LRRIQ1: variants seen among roughly 807,000 people sequenced by gnomAD.
LRRIQ1 encodes leucine-rich repeat- and IQ domain-containing protein 1.
LRRIQ1 carries 210 observed loss-of-function variants against 211.9 expected under a neutral mutation model. That is an observed-to-expected ratio of 0.99 (90% confidence interval 0.89 to 1.11). LRRIQ1 has a LOEUF of 1.11. Among genes scored for constraint, LRRIQ1 ranks in the 50% most tolerant of loss-of-function variants. The probability of loss-of-function intolerance (pLI) is 0.00; values close to 1 mark genes in which losing one functional copy is unlikely to be tolerated. For missense variants in LRRIQ1, 2,136 were observed against 1,939.5 expected (o/e 1.10, Z -1.90); for synonymous variants, 699 against 650.1 (o/e 1.08, Z -1.14).
intron 3 of LRRIQ1, among the ~76,000 whole-genome samples, chr12:85,042,359 T>G (rs1878986192): frequency 6.7e-6 from 1 of 149,802 alleles, no homozygotes; most frequent in African/African-American, 2.4e-5. Context: ...ATTTAATTAT[T>G]TAAAATCGTT....
rs567200480 is a variant in LRRIQ1 at position 85,240,393 on chromosome 12, T to C, written c.5017-4396T>C. Among the ~76,000 whole-genome samples, 73 of 152,290 alleles carry C rather than the reference T, an allele frequency of 4.8e-4. No individual in the cohort carries two copies. The South Asian group carries it at 0.015, about 30-fold the overall frequency. ...ACAGCCACTCTGGAGAAAAAAACTT[T>C]ATAAGCTTTATAAGCTTGTAAAGAC... On this transcript the variant is annotated intron_variant, in intron 26 of 26. Transcript: ENST00000393217.
At position 85,040,490 on chromosome 12, in the gene LRRIQ1, G is replaced by C. The variant is rs780451540; in HGVS notation, c.133G>C (p.Asp45His). The C allele has an allele frequency of 6.6e-7, 1 of 1,519,892 alleles. No homozygotes were observed. Among genetic ancestry groups the C allele is most frequent in the East Asian group, 2.3e-5 (1 of 42,628 alleles). The allele number at this position is 1,519,892 out of a possible 1,614,324, so 94.2% of individuals were successfully genotyped here. Residue 45 changes from aspartate (D) to histidine (H), a missense_variant and splice_region_variant, in exon 3 of 27, where the codon GAT (aspartate) becomes CAT (histidine). Coordinates refer to ENST00000393217, the MANE Select transcript of LRRIQ1 (RefSeq NM_001079910.2). ...SETQSDDSDT[D>H]SVELPESVLH... ...TTTCTTGTATTATTCAAATTTTTAG[G>C]ATTCAGTTGAATTACCAGAATCAGT...
intron 11 of LRRIQ1, among the ~76,000 whole-genome samples, chr12:85,082,789 T>C (rs1223801657): frequency 1.3e-5 from 2 of 152,194 alleles, no homozygotes. Context: ...CCTTTTATTG[T>C]TTGGGTTTGG....
intron 26 of LRRIQ1, among the ~76,000 whole-genome samples, chr12:85,235,323 T>G (rs1314211748): frequency 6.6e-6 from 1 of 152,166 alleles, no homozygotes; most frequent in Non-Finnish European, 1.5e-5. Context: ...AATTCAGGTT[T>G]CCCAGGAAAC....
rs538365462 is a variant in LRRIQ1, at chr12:85,235,680, G to GA, written c.5016+2925dup. On this transcript the variant is annotated intron_variant, in intron 26 of 26. Transcript: ENST00000393217. Reference sequence around the variant, plus strand: ...TATCTCTGACTCAGTTGTTAAATATGATCTAGGTAGGGTATGATAATATCA... The same window carrying GA: ...TATCTCTGACTCAGTTGTTAAATATGAATCTAGGTAGGGTATGATAATATCA... Among the ~76,000 whole-genome samples the GA allele has an allele frequency of 2.5e-3, 379 of 152,252 alleles. 2 individuals carry two copies. The highest frequency in any genetic ancestry group is 8.6e-3 in the African/African-American group (357 of 41,568).
Position 85,124,111 on chromosome 12 carries a change from A to G in LRRIQ1, c.3599A>G (p.Tyr1200Cys), listed in dbSNP as rs780132652. The G allele has an allele frequency of 1.4e-5, 23 of 1,613,732 alleles. No homozygotes were observed. Among genetic ancestry groups the G allele is most frequent in the Admixed American group, 1.7e-5 (1 of 59,992 alleles). The change falls in exon 17 of 27, where the codon TAT becomes TGT. Residue 1200 changes from tyrosine to cysteine, a missense_variant. Tyr to Cys is a radical substitution (Grantham distance 194). Transcript: ENST00000393217. ...GATACTGCAGAAAATCTCTGTCATTATTTTAAGAAATTGATGATACTTAGT... is the reference window on the plus strand; with the variant it reads ...GATACTGCAGAAAATCTCTGTCATTGTTTTAAGAAATTGATGATACTTAGT... ...TLDTAENLCH[Y>C]FKKLMILSTE...
intron 11 of LRRIQ1, among the ~76,000 whole-genome samples, chr12:85,080,181 C>T (rs2136158119): frequency 6.6e-6 from 1 of 152,082 alleles, no homozygotes; most frequent in Non-Finnish European, 1.5e-5. Flanking sequence ...TGTATTCTAG[C>T]TTTCCTGGCT....
At chr12:85,262,179 T>C (rs927602314) in intron 1 of LRRIQ1, among the ~76,000 whole-genome samples, 5 of 152,156 alleles carry the variant, frequency 3.3e-5, no homozygotes, top group Non-Finnish European at 7.4e-5. Flanking sequence ...ACTAGGACTA[T>C]TGTTTTTAAC....
intron 24 of LRRIQ1, among the ~76,000 whole-genome samples, chr12:85,204,808 G>T (rs1893464322): frequency 1.3e-5 from 2 of 152,164 alleles, no homozygotes; most frequent in South Asian, 4.1e-4. Context: ...CCTTATCTCA[G>T]ATGAGACTTT....
chr12:85,152,719 A>G (rs953652309), intron 20 of LRRIQ1, among the ~76,000 whole-genome samples: 3 of 151,688 alleles, frequency 2.0e-5, no homozygotes, highest in Admixed American at 6.6e-5. Context: ...ATTTTCAGTC[A>G]GAGGTCAATG....
intron 1 of LRRIQ1, among the ~76,000 whole-genome samples, chr12:85,261,751 T>A (rs1042154268): frequency 2.5e-4 from 38 of 149,154 alleles, no homozygotes; most frequent in African/African-American, 9.2e-4. Flanking sequence ...TCATAATTTT[T>A]ATTTTTTTGT....
downstream of LRRIQ1, among the ~76,000 whole-genome samples, chr12:85,267,412 G>A (rs4761126): frequency 0.5 from 76,528 of 151,816 alleles, 23,679 homozygotes; most frequent in African/African-American, 0.88. Flanking sequence ...AAGAAACAAA[G>A]ATGCATAAAA....
At chr12:85,048,676 T>G (rs1879941417) in intron 6 of LRRIQ1, 1 of 152,188 alleles carries the variant, frequency 6.6e-6, no homozygotes, top group Non-Finnish European at 1.5e-5. Flanking sequence ...AATTTTCCTT[T>G]AGTTATGTTT....
intron 25 of LRRIQ1, among the ~76,000 whole-genome samples, 170 bp downstream of exon 25, chr12:85,229,819 T>A (rs990306688): frequency 6.6e-6 from 1 of 152,210 alleles, no homozygotes; most frequent in African/African-American, 2.4e-5. Flanking sequence ...TTACTCCTTC[T>A]ATTTTTCACC....
At chr12:85,140,212 C>T (rs1014855752) in intron 19 of LRRIQ1, among the ~76,000 whole-genome samples, 6 of 151,262 alleles carry the variant, frequency 4.0e-5, no homozygotes, top group Non-Finnish European at 3.0e-5. Flanking sequence ...CAGTTTTCCA[C>T]AACAAACCTC....
At chr12:85,042,707 C>T (rs1879044563) in intron 3 of LRRIQ1, among the ~76,000 whole-genome samples, 1 of 151,148 alleles carries the variant, frequency 6.6e-6, no homozygotes, top group African/African-American at 2.4e-5. Flanking sequence ...AACAAATTAT[C>T]AAAATTATTT....
intron 17 of LRRIQ1, among the ~76,000 whole-genome samples, chr12:85,125,819 T>C (rs1337857853): frequency 6.6e-6 from 1 of 152,156 alleles, no homozygotes; most frequent in Non-Finnish European, 1.5e-5. Flanking sequence ...AAACAATATT[T>C]TTAACTTCTT....
the LRRIQ1 span, among the ~76,000 whole-genome samples, chr12:85,271,198 A>T: frequency 6.6e-6 from 1 of 152,214 alleles, no homozygotes; most frequent in Admixed American, 6.5e-5. Context: ...TAAAGATGTC[A>T]TTTGGAAGCT....
chr12:85,185,395 A>G (rs1469287062), intron 24 of LRRIQ1, among the ~76,000 whole-genome samples: 1 of 151,850 alleles, frequency 6.6e-6, no homozygotes, highest in Non-Finnish European at 1.5e-5. Context: ...ACAAAACATC[A>G]AACTCTTGAT....
Sources: allele counts gnomAD v4.1 joint callset (sites outside exome capture counted in the v4.1 genomes callset), GRCh38; gene constraint gnomAD v4.1.1; transcripts MANE v1.5; gene names NCBI Gene and HGNC (gene_info 2026-07-23, HGNC 2026-07-21).